The following OPHN1 variants were observed in gnomAD, a reference collection of about 807,000 sequenced individuals.
OPHN1 encodes the protein oligophrenin 1, also known as oligophrenin-1.
A neutral mutation model predicts 60.7 loss-of-function variants in OPHN1; 11 were observed. That is an observed-to-expected ratio of 0.18 (90% CI 0.11 to 0.30). The LOEUF (loss-of-function observed/expected upper bound fraction) is 0.30, where lower values mean the gene tolerates loss of function less well. Ranked by LOEUF, OPHN1 falls within the 10% of genes least tolerant of loss-of-function variation. The pLI, the probability that OPHN1 is intolerant of heterozygous loss-of-function variation, is 1.00. For synonymous variants in OPHN1, 226 were observed against 222.6 expected (o/e 1.02, Z -0.14); for missense variants, 449 against 611.0 (o/e 0.73, Z 2.80).
intron 2 of OPHN1, among the ~76,000 whole-genome samples, chrX:68,391,918 A>G (rs1188479293): frequency 8.9e-6 from 1 of 111,733 alleles, no homozygotes; most frequent in East Asian, 2.8e-4. Context: ...CCCTGCCTAC[A>G]CCTTGACTTT....
intron 2 of OPHN1, among the ~76,000 whole-genome samples, chrX:68,332,988 C>T (rs1211036011): frequency 9.0e-6 from 1 of 110,711 alleles, no homozygotes; most frequent in Non-Finnish European, 1.9e-5. Flanking sequence ...CAGAAACTGA[C>T]CACTCCATCA....
At chrX:68,128,540 G>A (rs1168050609) in intron 15 of OPHN1, among the ~76,000 whole-genome samples, 2 of 111,031 alleles carry the variant, frequency 1.8e-5, no homozygotes, top group Non-Finnish European at 3.8e-5. Flanking sequence ...TTAAGTCTCA[G>A]AATTAATATA....
chrX:68,133,870 A>G (rs2077208359), intron 15 of OPHN1, among the ~76,000 whole-genome samples: 1 of 111,373 alleles, frequency 9.0e-6, no homozygotes, highest in African/African-American at 3.3e-5. Context: ...ATTCATGACA[A>G]TTATGGTTAA....
rs2078085952 is a variant in OPHN1, at chrX:68,294,592, A to G, written c.250+4409T>C. 2.7e-5 allele frequency among the ~76,000 whole-genome samples: 3 copies of G among 110,728 alleles called. No individual in the cohort carries two copies. In the South Asian group the frequency reaches 1.2e-3, roughly 43 times the overall value. ...ACATTGCAAGTCATTTGCCTATGCC[A>G]AAACTTGTATGATTGGGAAGTCCAT... On this transcript the variant is annotated intron_variant, in intron 3 of 24. Transcript: ENST00000355520.
At chrX:68,364,971 A>T (rs1289519794) in intron 2 of OPHN1, among the ~76,000 whole-genome samples, 1 of 111,813 alleles carries the variant, frequency 8.9e-6, no homozygotes, top group Non-Finnish European at 1.9e-5. Flanking sequence ...GTGCAATGGG[A>T]ATAACAACAG....
At chrX:68,217,911 G>T (rs1443909548) in intron 6 of OPHN1, among the ~76,000 whole-genome samples, 1 of 104,935 alleles carries the variant, frequency 9.5e-6, no homozygotes, top group African/African-American at 3.3e-5. Flanking sequence ...CACCAGCAAC[G>T]GAACAAAGCT....
chrX:68,278,916 A>G (rs1479536788), intron 4 of OPHN1, among the ~76,000 whole-genome samples: 1 of 109,311 alleles, frequency 9.1e-6, no homozygotes, highest in African/African-American at 3.3e-5. Flanking sequence ...TTTTTTTTTA[A>G]AAAAAGAGCA....
At chrX:68,087,622 C>A (rs2077000453) in intron 19 of OPHN1, among the ~76,000 whole-genome samples, 1 of 111,874 alleles carries the variant, frequency 8.9e-6, no homozygotes, top group Non-Finnish European at 1.9e-5. Flanking sequence ...CAGAAATGAG[C>A]AACTATCCAG....
chrX:68,306,124 C>T (rs5964660), intron 2 of OPHN1, among the ~76,000 whole-genome samples: 11,617 of 111,910 alleles, frequency 0.1, 1,372 homozygotes, highest in African/African-American at 0.35. Context: ...TTCATAAGGC[C>T]CTTCAGAGGC....
At chrX:68,076,165 T>C (rs909592360) in intron 19 of OPHN1, among the ~76,000 whole-genome samples, 1 of 110,486 alleles carries the variant, frequency 9.1e-6, no homozygotes, top group African/African-American at 3.3e-5. Flanking sequence ...ATAAGCAAAA[T>C]ATTTGAATAG....
intron 19 of OPHN1, among the ~76,000 whole-genome samples, chrX:68,087,128 T>C (rs758179684): frequency 8.9e-6 from 1 of 112,357 alleles, no homozygotes; most frequent in Non-Finnish European, 1.9e-5. Flanking sequence ...CAATTAGGGC[T>C]TCATGGTCTC....
chrX:68,299,614 A>G (rs1312831351), intron 2 of OPHN1, among the ~76,000 whole-genome samples: 1 of 111,599 alleles, frequency 9.0e-6, no homozygotes, highest in Admixed American at 9.5e-5. Context: ...TAACCAGATG[A>G]CAGCCTGGGT....
intron 10 of OPHN1, among the ~76,000 whole-genome samples, chrX:68,204,675 A>G (rs1318525704): frequency 8.9e-6 from 1 of 111,781 alleles, no homozygotes; most frequent in South Asian, 3.8e-4. Flanking sequence ...GTGAGTAACT[A>G]AGTTCTTCTT....
In OPHN1 at chrX:68,282,225, T is replaced by TGTATGCA. The variant is rs1401355923; in HGVS notation, c.312+830_312+831insTGCATAC. Among the ~76,000 whole-genome samples the TGTATGCA allele has an allele frequency of 5.1e-3, 577 of 112,161 alleles. 4 individuals carry two copies. The highest frequency in any genetic ancestry group is 0.018 in the African/African-American group (549 of 30,918). ...CTGTGGTAAATCATACAATGGGATATTACTTAATGATAAAAATAAATGACA... is the reference window on the plus strand; with the variant it reads ...CTGTGGTAAATCATACAATGGGATATGTATGCATACTTAATGATAAAAATAAATGACA... On this transcript the variant is annotated intron_variant, in intron 4 of 24. Coordinates refer to ENST00000355520, the MANE Select transcript of OPHN1 (RefSeq NM_002547.3).
Position 68,145,978 on chromosome X carries a change from C to T in OPHN1, c.1277-26646G>A, listed in dbSNP as rs183478475. 4.5e-5 allele frequency among the ~76,000 whole-genome samples: 5 copies of T among 111,720 alleles called. No individual in the cohort carries two copies. In the East Asian group the frequency reaches 1.1e-3, roughly 25 times the overall value. On this transcript the variant is annotated intron_variant, in intron 15 of 24. Transcript: ENST00000355520. ...CTGCTTCCATATTACAACTGCAGAA[C>T]TGAGAACTTGAAACAGAGACCATAC...
chrX:68,106,517 A>T (rs759007963), intron 18 of OPHN1, among the ~76,000 whole-genome samples: 99 of 111,814 alleles, frequency 8.9e-4, no homozygotes, highest in African/African-American at 3.0e-3. Flanking sequence ...CCTGCTGATA[A>T]ATAGCTATAA....
intron 2 of OPHN1, among the ~76,000 whole-genome samples, chrX:68,317,575 G>GAAAGAGAA (rs1341092923): frequency 6.9e-5 from 5 of 72,093 alleles, no homozygotes; most frequent in African/African-American, 4.6e-4. Context: ...AAGAAAGAAA[G>GAAAGAGAA]AGAAAGAAAG....
At chrX:68,420,589 A>G (rs1296285166) in intron 2 of OPHN1, among the ~76,000 whole-genome samples, 2 of 111,120 alleles carry the variant, frequency 1.8e-5, no homozygotes, top group African/African-American at 6.5e-5. Flanking sequence ...TAGATTTCAC[A>G]TATTTGGGGG....
intron 2 of OPHN1, among the ~76,000 whole-genome samples, chrX:68,309,175 T>G (rs1424940023): frequency 9.0e-6 from 1 of 111,603 alleles, no homozygotes; most frequent in East Asian, 2.8e-4. Flanking sequence ...CATAAACTTC[T>G]GTACAATCTC....
Sources: gnomAD v4.1 joint callset for allele counts (sites outside exome capture counted in the v4.1 genomes callset) on GRCh38, gnomAD v4.1.1 for gene constraint, MANE v1.5 for transcripts, NCBI Gene and HGNC (gene_info 2026-07-23, HGNC 2026-07-21) for gene names.